PRCP: variants seen among roughly 807,000 people sequenced by gnomAD.
The protein encoded by PRCP is lysosomal Pro-X carboxypeptidase.
A neutral mutation model predicts 54.2 loss-of-function variants in PRCP; 46 were observed. The observed-to-expected ratio is 0.85, with a 90% CI of 0.67 to 1.09. PRCP has a LOEUF of 1.09. PRCP is among the 50% of genes least tolerant of loss of function. PRCP has a pLI of 0.00. For missense variants in PRCP, 613 were observed against 596.8 expected (o/e 1.03, Z -0.28); for synonymous variants, 240 against 212.2 (o/e 1.13, Z -1.14).
At chr11:82,828,529 A>G (rs1453030075) in intron 8 of PRCP, 2 of 152,128 alleles carry the variant, frequency 1.3e-5, no homozygotes, top group East Asian at 1.9e-4. Flanking sequence ...ACTTGAAATC[A>G]CTTCTAGAAC....
chr11:82,874,782 G>C (rs1859564456), intron 1 of PRCP, among the ~76,000 whole-genome samples: 1 of 151,944 alleles, frequency 6.6e-6, no homozygotes, highest in African/African-American at 2.4e-5. Context: ...CTTCTAACAG[G>C]GTGGTCAGAA....
chr11:82,897,406 C>CT (rs1356126475), intron 1 of PRCP, among the ~76,000 whole-genome samples: 25 of 152,170 alleles, frequency 1.6e-4, no homozygotes, highest in Non-Finnish European at 2.4e-4. Flanking sequence ...GTGCTTTATA[C>CT]TTTTTTATAG....
chr11:82,900,923 G>A (rs535861738), upstream of PRCP: 3 of 451,762 alleles, frequency 6.6e-6, no homozygotes, highest in South Asian at 4.7e-5. Flanking sequence ...GTATCACGAG[G>A]CAGGGAGGCA....
intron 2 of PRCP, among the ~76,000 whole-genome samples, chr11:82,859,118 AG>A (rs1164171882): frequency 6.6e-6 from 1 of 152,252 alleles, no homozygotes; most frequent in Admixed American, 6.5e-5. Context: ...GCTTTTTGGT[AG>A]AAAGTTGACA....
In PRCP at chr11:82,850,557, T is replaced by A. The variant is rs1591048795; in HGVS notation, c.412-52A>T. On this transcript the variant is annotated intron_variant, in intron 3 of 8. Transcript: ENST00000313010. ...GTATAAATGTGCACATAACAGCAGC[T>A]TAGGAATAGCATGGATCCAGAAGAG... is the stretch of plus-strand genomic sequence containing the variant. 8 of 1,333,532 alleles carry A rather than the reference T, an allele frequency of 6.0e-6. 1 individual carries two copies. In the East Asian group the frequency reaches 2.1e-4, roughly 36 times the overall value. 82.6% of individuals were successfully genotyped at this position (1,333,532 alleles called of 1,614,324 possible). A position where few individuals can be genotyped will look rare whatever the true frequency, so the allele number is the denominator to read the frequency against.
chr11:82,849,252 A>C (rs753613681), intron 5 of PRCP, 34 bp from the exon 6 acceptor site: 99 of 1,607,964 alleles, frequency 6.2e-5, no homozygotes, highest in Non-Finnish European at 7.5e-5. Context: ...GAATCTAAAA[A>C]GTACTGGTCA....
intron 1 of PRCP, among the ~76,000 whole-genome samples, chr11:82,887,332 C>A (rs951301219): frequency 1.3e-5 from 2 of 152,166 alleles, no homozygotes; most frequent in Non-Finnish European, 2.9e-5. Context: ...CCTATGTTTG[C>A]TCTCCATTTA....
intron 5 of PRCP, 48 bp downstream of exon 5, chr11:82,849,866 T>C: frequency 7.5e-7 from 1 of 1,331,092 alleles, no homozygotes; most frequent in Non-Finnish European, 9.7e-7. Context: ...ATTTAACAAA[T>C]GAAAGGTTAA....
intron 1 of PRCP, among the ~76,000 whole-genome samples, chr11:82,868,122 G>A (rs928565874): frequency 4.6e-5 from 7 of 152,130 alleles, no homozygotes; most frequent in Non-Finnish European, 2.9e-5. Context: ...CAGTGCAGGG[G>A]AAAACTGACT....
chr11:82,880,783 A>G (rs1859730586), intron 1 of PRCP, among the ~76,000 whole-genome samples: 1 of 152,092 alleles, frequency 6.6e-6, no homozygotes, highest in South Asian at 2.1e-4. Flanking sequence ...ATAAAAGCCT[A>G]AAGAAAACTA....
At chr11:82,867,400 G>A (rs1292382909) in intron 1 of PRCP, among the ~76,000 whole-genome samples, 1 of 152,172 alleles carries the variant, frequency 6.6e-6, no homozygotes. Context: ...TAAAACAGAG[G>A]TGAAAATATC....
chr11:82,825,871 G>T (rs1379226740), intron 8 of PRCP: 1 of 152,138 alleles, frequency 6.6e-6, no homozygotes, highest in Admixed American at 6.5e-5. Flanking sequence ...AATGTAAAGA[G>T]AATCAGTCAC....
chr11:82,900,452 G>A, upstream of PRCP: 2 of 1,583,616 alleles, frequency 1.3e-6, no homozygotes, highest in Non-Finnish European at 1.7e-6. Context: ...AAGGAGGCCA[G>A]CAGAAGCGCA....
intron 2 of PRCP, among the ~76,000 whole-genome samples, chr11:82,856,163 T>G (rs1205488412): frequency 6.6e-6 from 1 of 152,054 alleles, no homozygotes; most frequent in Non-Finnish European, 1.5e-5. Flanking sequence ...AATTAAAAAC[T>G]AAATAAAAAT....
At chr11:82,838,767 T>A (rs1858591683) in intron 7 of PRCP, among the ~76,000 whole-genome samples, 193 bp from the exon 8 acceptor site, 1 of 152,186 alleles carries the variant, frequency 6.6e-6, no homozygotes, top group South Asian at 2.1e-4. Context: ...GGCCAAGAAG[T>A]CACGGAAGTC....
At chr11:82,849,384 A>G (rs1858890693) in intron 5 of PRCP, among the ~76,000 whole-genome samples, 166 bp from the exon 6 acceptor site, 1 of 152,244 alleles carries the variant, frequency 6.6e-6, no homozygotes, top group African/African-American at 2.4e-5. Context: ...CAAGTTGCCT[A>G]TCCTCATAGA....
Position 82,849,197 on chromosome 11 carries a change from G to C in PRCP, c.773C>G (p.Thr258Ser). ...SNTGSGLQWLTGALHLCSPLT... is the reference protein window; with the variant it reads ...SNTGSGLQWLSGALHLCSPLT... ...TGGGCTGCATAAGTGAAGGGCTCCA[G>C]TAAGCCACTGCAAACCACTGCCTGG... The change falls in exon 6 of 9, where the codon ACT (threonine) becomes AGT (serine). Residue 258 changes from threonine to serine, a missense_variant. By Grantham distance (58) the Thr-to-Ser change is moderately conservative (BLOSUM62 1). Coordinates refer to ENST00000313010, the MANE Select transcript of PRCP (RefSeq NM_005040.4). The C allele has an allele frequency of 6.2e-7, 1 of 1,614,072 alleles. No individual in the cohort carries two copies. Among genetic ancestry groups the C allele is most frequent in the Non-Finnish European group, 8.5e-7 (1 of 1,179,930 alleles).
chr11:82,835,439 G>C lies in PRCP; in HGVS notation c.1274+2948C>G, dbSNP rs1858497191. The C allele has an allele frequency of 2.7e-5, 5 of 185,934 alleles. No individual in the cohort carries two copies. In the South Asian group the frequency reaches 5.5e-4, roughly 20 times the overall value. 11.5% of individuals were successfully genotyped at this position (185,934 alleles called of 1,614,324 possible). A position where few individuals can be genotyped will look rare whatever the true frequency, so the allele number is the denominator to read the frequency against. On this transcript the variant is annotated intron_variant, in intron 8 of 8. Coordinates refer to ENST00000313010, the MANE Select transcript of PRCP (RefSeq NM_005040.4). ...GGTCAGAGAGGTACTTGCAGGAGCA[G>C]CAATGCTGCCAGGGGCCTGGGGCTG...
At chr11:82,877,697 G>C (rs1270724496) in intron 1 of PRCP, among the ~76,000 whole-genome samples, 2 of 152,248 alleles carry the variant, frequency 1.3e-5, no homozygotes, top group East Asian at 1.9e-4. Flanking sequence ...AAGATGCATG[G>C]AAATGCCTGG....
Sources: gnomAD v4.1 joint callset for allele counts (sites outside exome capture counted in the v4.1 genomes callset) on GRCh38, gnomAD v4.1.1 for gene constraint, MANE v1.5 for transcripts, NCBI Gene and HGNC (gene_info 2026-07-23, HGNC 2026-07-21) for gene names.